The following MARCHF1 variants were observed in gnomAD, a reference collection of about 807,000 sequenced individuals.
The protein encoded by MARCHF1 is membrane associated ring-CH-type finger 1.
MARCHF1 carries 40 observed loss-of-function variants against 54.2 expected under a neutral mutation model. The ratio of observed to expected loss-of-function variants is 0.74; its 90% CI spans 0.57 to 0.96. MARCHF1 has a LOEUF of 0.96. Ranked by LOEUF, MARCHF1 falls within the 40% of genes least tolerant of loss-of-function variation. MARCHF1 has a pLI of 0.00. For synonymous variants in MARCHF1, 236 were observed against 236.3 expected (o/e 1.00, Z 0.01); for missense variants, 586 against 656.5 (o/e 0.89, Z 1.17).
chr4:164,222,192 T>C (rs1732132747), intron 1 of MARCHF1, among the ~76,000 whole-genome samples: 1 of 151,950 alleles, frequency 6.6e-6, no homozygotes, highest in Non-Finnish European at 1.5e-5. Flanking sequence ...GTCATTTTAG[T>C]ATAAAAACAT....
intron 3 of MARCHF1, among the ~76,000 whole-genome samples, chr4:163,952,071 C>T (rs918672591): frequency 3.3e-5 from 5 of 152,282 alleles, no homozygotes; most frequent in Non-Finnish European, 7.4e-5. Context: ...TCTCCTACCC[C>T]CTTAAGACTC....
intron 4 of MARCHF1, among the ~76,000 whole-genome samples, chr4:163,770,343 A>G (rs1400356231): frequency 6.6e-6 from 1 of 152,174 alleles, no homozygotes; most frequent in Admixed American, 6.6e-5. Flanking sequence ...GTCAGATGGA[A>G]AAGAAAGATT....
At chr4:163,657,318 A>C in intron 5 of MARCHF1, among the ~76,000 whole-genome samples, 1 of 152,114 alleles carries the variant, frequency 6.6e-6, no homozygotes, top group East Asian at 1.9e-4. Context: ...AATTGCTATA[A>C]ACAGAAGAAA....
At chr4:163,910,076 C>T (rs569590808) in intron 3 of MARCHF1, among the ~76,000 whole-genome samples, 22 of 148,612 alleles carry the variant, frequency 1.5e-4, no homozygotes, top group African/African-American at 5.2e-4. Context: ...TTACAATATT[C>T]GAAGCATAGT....
intron 1 of MARCHF1, among the ~76,000 whole-genome samples, chr4:164,328,521 A>T (rs1230209428): frequency 6.6e-6 from 1 of 151,972 alleles, no homozygotes; most frequent in Admixed American, 6.6e-5. Flanking sequence ...CAGTGTATCG[A>T]GTCATATGAA....
At chr4:164,369,725 ATTGAT>A (rs1237833694) in intron 1 of MARCHF1, among the ~76,000 whole-genome samples, 2 of 152,166 alleles carry the variant, frequency 1.3e-5, no homozygotes, top group South Asian at 2.1e-4. Flanking sequence ...CTACCATAAG[ATTGAT>A]TTGAAGATTA....
At chr4:164,274,602 CCATTTGGCCGGAATTTATGAA>C (rs1733823837) in intron 1 of MARCHF1, among the ~76,000 whole-genome samples, 1 of 147,488 alleles carries the variant, frequency 6.8e-6, no homozygotes, top group Non-Finnish European at 1.5e-5. Flanking sequence ...TGAGGTATGA[CCATTTGGCCGGAATTTATGAA>C]CTCTACCTGT....
At chr4:164,089,771 G>C (rs1036872615) in intron 2 of MARCHF1, among the ~76,000 whole-genome samples, 1 of 151,872 alleles carries the variant, frequency 6.6e-6, no homozygotes, top group African/African-American at 2.4e-5. Context: ...GAGTTATCTA[G>C]AAAGATAAGT....
chr4:163,544,068 C>T (rs536254328), intron 9 of MARCHF1, among the ~76,000 whole-genome samples: 11 of 152,096 alleles, frequency 7.2e-5, no homozygotes, highest in Non-Finnish European at 1.6e-4. Context: ...TTGGGTGAAG[C>T]GAGGTGGGGA....
chr4:164,233,702 A>G (rs1445987929), intron 1 of MARCHF1, among the ~76,000 whole-genome samples: 1 of 152,068 alleles, frequency 6.6e-6, no homozygotes, highest in Non-Finnish European at 1.5e-5. Context: ...TTTTTTCTGC[A>G]CCTAGCCCAG....
intron 9 of MARCHF1, among the ~76,000 whole-genome samples, chr4:163,543,534 G>A (rs923083233): frequency 6.6e-6 from 1 of 152,046 alleles, no homozygotes; most frequent in Non-Finnish European, 1.5e-5. Flanking sequence ...GTATGGGTTG[G>A]AGTACAGTAG....
At chr4:164,095,564 A>C (rs1333460273) in intron 2 of MARCHF1, among the ~76,000 whole-genome samples, 1 of 152,084 alleles carries the variant, frequency 6.6e-6, no homozygotes. Context: ...TATTTAAGTG[A>C]TTTTTGATAC....
intron 1 of MARCHF1, among the ~76,000 whole-genome samples, chr4:164,123,630 T>A (rs1456213332): frequency 6.6e-6 from 1 of 151,666 alleles, no homozygotes; most frequent in African/African-American, 2.4e-5. Context: ...GAATCGAGTA[T>A]GCAGAAACAA....
intron 8 of MARCHF1, among the ~76,000 whole-genome samples, chr4:163,579,698 TGTGA>T (rs1408032400): frequency 6.6e-6 from 1 of 152,242 alleles, no homozygotes; most frequent in African/African-American, 2.4e-5. Flanking sequence ...CATTGTGAAT[TGTGA>T]GTATGAATTT....
intron 3 of MARCHF1, among the ~76,000 whole-genome samples, chr4:163,886,633 G>A (rs1204880642): frequency 6.6e-6 from 1 of 152,114 alleles, no homozygotes; most frequent in Non-Finnish European, 1.5e-5. Context: ...TGTAATTGAA[G>A]GAAGACAGAA....
chr4:163,549,153 C>T (rs548345170), intron 8 of MARCHF1, among the ~76,000 whole-genome samples: 3 of 152,222 alleles, frequency 2.0e-5, no homozygotes, highest in Admixed American at 2.0e-4. Context: ...AGGCACACTA[C>T]ACGCGCCCAC....
chr4:164,268,295 C>G (rs1579675928), intron 1 of MARCHF1, among the ~76,000 whole-genome samples: 2 of 152,198 alleles, frequency 1.3e-5, no homozygotes, highest in Non-Finnish European at 2.9e-5. Context: ...AATCTGGGTA[C>G]TGTGTCACCC....
At chr4:163,755,741 A>C (rs1198278332) in intron 4 of MARCHF1, among the ~76,000 whole-genome samples, 4 of 152,188 alleles carry the variant, frequency 2.6e-5, no homozygotes, top group Non-Finnish European at 5.9e-5. Flanking sequence ...TTTTGTTATA[A>C]TAACAGAGAC....
intron 4 of MARCHF1, among the ~76,000 whole-genome samples, chr4:163,731,466 C>A (rs989614083): frequency 6.6e-6 from 1 of 152,184 alleles, no homozygotes; most frequent in African/African-American, 2.4e-5. Context: ...TCCCATCTCG[C>A]TGCCTGGAGA....
Sources: gnomAD v4.1 joint callset for allele counts (sites outside exome capture counted in the v4.1 genomes callset) on GRCh38, gnomAD v4.1.1 for gene constraint, MANE v1.5 for transcripts, NCBI Gene and HGNC (gene_info 2026-07-23, HGNC 2026-07-21) for gene names.